Variants in NARS2 observed in about 807,000 individuals in gnomAD.
NARS2 encodes the protein asparaginyl-tRNA synthetase.
Under a neutral mutation model 62.9 loss-of-function variants are expected in NARS2, and 60 were observed. That is an observed-to-expected ratio of 0.95 (90% CI 0.77 to 1.18). The LOEUF (loss-of-function observed/expected upper bound fraction) is 1.18, where lower values mean the gene tolerates loss of function less well. NARS2 is among the 50% of genes most tolerant of loss of function. The pLI is 0.00. For missense variants in NARS2, 619 were observed against 576.4 expected, an observed-to-expected ratio of 1.07 and a Z score of -0.76; for synonymous variants, 196 against 200.0, an observed-to-expected ratio of 0.98 and a Z score of 0.17.
intron 5 of NARS2, among the ~76,000 whole-genome samples, chr11:78,544,666 T>C (rs535960753): frequency 1.1e-4 from 16 of 151,826 alleles, no homozygotes; most frequent in Admixed American, 2.6e-4. Context: ...CGGTGGTGGG[T>C]GCCTGTAGTC....
rs554396672 is a variant in NARS2, at chr11:78,516,035, T to C, written c.689+12807A>G. Among the ~76,000 whole-genome samples the C allele has an allele frequency of 8.5e-5, 13 of 152,270 alleles. No individual in the cohort carries two copies. In the East Asian group the frequency reaches 2.3e-3, roughly 27 times the overall value. On this transcript the variant is annotated intron_variant, in intron 6 of 13. Transcript: ENST00000281038. Reference sequence around the variant, plus strand: ...AACCATTTCTCTGGGCCATGAAAAGTTGGGCTATAAAGGAACAACTTCTTC... The same window carrying C: ...AACCATTTCTCTGGGCCATGAAAAGCTGGGCTATAAAGGAACAACTTCTTC...
intron 11 of NARS2, among the ~76,000 whole-genome samples, chr11:78,465,236 A>C (rs1022500576): frequency 2.6e-5 from 4 of 152,228 alleles, no homozygotes; most frequent in African/African-American, 9.6e-5. Context: ...TGGAACTCGC[A>C]CTGGCCCGCA....
chr11:78,448,319 C>CTTTT (rs72450922), intron 11 of NARS2, among the ~76,000 whole-genome samples: 3 of 141,014 alleles, frequency 2.1e-5, no homozygotes, highest in Non-Finnish European at 1.5e-5. Flanking sequence ...GTAGTAATCA[C>CTTTT]TTTTTTTTTT....
chr11:78,451,520 A>G (rs191797949), intron 11 of NARS2, among the ~76,000 whole-genome samples: 272 of 152,340 alleles, frequency 1.8e-3, no homozygotes, highest in African/African-American at 6.4e-3. Context: ...TGGAAACAAG[A>G]AAGTTGGCAT....
rs1487330473 is a variant in NARS2 at position 78,566,244 on chromosome 11, TGC to T, written c.399_400del (p.His134SerfsTer12). On this transcript the variant is annotated frameshift_variant, in exon 4 of 14. Transcript: ENST00000281038. LOFTEE classifies it high-confidence loss of function. ...ATATTGTCGCAGATACTCCAGAGGATGCCTCTCTTTATATTTGATGGGGAAAT... is the reference window on the plus strand; with the variant it reads ...ATATTGTCGCAGATACTCCAGAGGATCTCTCTTTATATTTGATGGGGAAAT... 6.9e-6 allele frequency: 11 copies of T among 1,603,126 alleles called. No homozygotes were observed. The highest frequency in any genetic ancestry group is 9.4e-6 in the Non-Finnish European group (11 of 1,174,352).
intron 11 of NARS2, among the ~76,000 whole-genome samples, chr11:78,458,583 C>G (rs1309354048): frequency 6.6e-6 from 1 of 152,162 alleles, no homozygotes; most frequent in Non-Finnish European, 1.5e-5. Flanking sequence ...ATTAAAGATG[C>G]TTTTTAGCTT....
chr11:78,448,425 G>A (rs1307068777), intron 11 of NARS2, among the ~76,000 whole-genome samples: 2 of 151,456 alleles, frequency 1.3e-5, no homozygotes, highest in African/African-American at 4.9e-5. Context: ...CGAGTAGCTG[G>A]GATTACAGGC....
chr11:78,504,713 T>C (rs1860422554), intron 6 of NARS2, among the ~76,000 whole-genome samples: 1 of 152,144 alleles, frequency 6.6e-6, no homozygotes, highest in African/African-American at 2.4e-5. Context: ...TTACAGCACA[T>C]CTTCTACAGC....
chr11:78,471,876 A>T (rs1347509649), intron 9 of NARS2, among the ~76,000 whole-genome samples: 2 of 152,126 alleles, frequency 1.3e-5, no homozygotes, highest in Non-Finnish European at 2.9e-5. Context: ...ATCATTTTTT[A>T]TGGCTGCATA....
intron 10 of NARS2, among the ~76,000 whole-genome samples, chr11:78,468,533 TAGCTGGGACTACA>T (rs1290765281): frequency 6.6e-6 from 1 of 150,850 alleles, no homozygotes; most frequent in African/African-American, 2.4e-5. Context: ...GCCTCCTGAG[TAGCTGGGACTACA>T]GGCGCCCGCC....
At chr11:78,509,503 T>A in intron 6 of NARS2, among the ~76,000 whole-genome samples, 1 of 152,164 alleles carries the variant, frequency 6.6e-6, no homozygotes, top group African/African-American at 2.4e-5. Context: ...ACTGCTCTGT[T>A]TGTTTTCTAA....
chr11:78,496,377 C>A (rs889711475), intron 6 of NARS2, among the ~76,000 whole-genome samples: 2 of 152,080 alleles, frequency 1.3e-5, no homozygotes, highest in African/African-American at 2.4e-5. Flanking sequence ...TAGAGTTAAT[C>A]CCTTCATAGT....
Position 78,559,544 on chromosome 11 carries a change from G to C in NARS2, c.589C>G (p.Leu197Val). ...DSEGAGELFQ[L>V]EPSGKLKVPE... ...AGATGGGAAGCAAAACTTACTTCAA[G>C]TTGAAAAAGTTCTCCAGCTCCCTCA... The change falls in exon 5 of 14, where the codon CTT becomes GTT. Residue 197 changes from leucine (L) to valine (V), a missense_variant. By Grantham distance (32) the Leu-to-Val change is conservative (BLOSUM62 1). Coordinates refer to ENST00000281038, the MANE Select transcript of NARS2 (RefSeq NM_024678.6). 6.2e-7 allele frequency: 1 copy of C among 1,605,966 alleles called. No individual in the cohort carries two copies. The highest frequency in any genetic ancestry group is 1.3e-5 in the African/African-American group (1 of 74,816).
intron 11 of NARS2, among the ~76,000 whole-genome samples, chr11:78,460,878 T>C (rs1457780440): frequency 6.6e-6 from 1 of 152,228 alleles, no homozygotes; most frequent in East Asian, 1.9e-4. Context: ...AAATAGATGG[T>C]TGTATCTGTA....
intron 11 of NARS2, among the ~76,000 whole-genome samples, chr11:78,450,666 CTTTTTTTTTTTTT>C (rs781420225): frequency 2.6e-4 from 26 of 101,568 alleles, no homozygotes; most frequent in African/African-American, 7.7e-4. Context: ...AAAGCCTTGT[CTTTTTTTTTTTTT>C]TTTTTTTTTT....
intron 5 of NARS2, among the ~76,000 whole-genome samples, chr11:78,529,896 T>C (rs180730842): frequency 3.9e-4 from 60 of 152,350 alleles, no homozygotes; most frequent in African/African-American, 1.4e-3. Context: ...GTAAAAGCAA[T>C]ATAGCCAATT....
chr11:78,537,488 T>C (rs1254497296), intron 5 of NARS2, among the ~76,000 whole-genome samples: 1 of 152,176 alleles, frequency 6.6e-6, no homozygotes, highest in Non-Finnish European at 1.5e-5. Flanking sequence ...AGTTTCAGAA[T>C]TAGATGATAA....
At chr11:78,545,391 C>A (rs971350693) in intron 5 of NARS2, among the ~76,000 whole-genome samples, 1 of 152,152 alleles carries the variant, frequency 6.6e-6, no homozygotes, top group East Asian at 1.9e-4. Flanking sequence ...TCCATACCTG[C>A]CTTCATGATT....
Position 78,438,283 on chromosome 11 carries a change from C to T in NARS2, c.1290-1469G>A, listed in dbSNP as rs555480366. ...TACAGGGATATCTAGTATAAAACTT[C>T]AGATTAGTAATAACTATAAGAAATA... On this transcript the variant is annotated intron_variant, in intron 13 of 13. Transcript: ENST00000281038. 3.3e-5 allele frequency among the ~76,000 whole-genome samples: 5 copies of T among 152,192 alleles called. No homozygotes were observed. The South Asian group carries it at 1.0e-3, about 32-fold the overall frequency.
Sources: allele counts gnomAD v4.1 joint callset (sites outside exome capture counted in the v4.1 genomes callset), GRCh38; gene constraint gnomAD v4.1.1; transcripts MANE v1.5; gene names NCBI Gene and HGNC (gene_info 2026-07-23, HGNC 2026-07-21).